The following ANKRD11 variants were observed in gnomAD, a reference collection of about 807,000 sequenced individuals.
The protein encoded by ANKRD11 is ankyrin repeat domain 11, also known as ankyrin repeat domain-containing protein 11.
Under a neutral mutation model 195.7 loss-of-function variants are expected in ANKRD11, and 17 were observed. That is an observed-to-expected ratio of 0.09 (90% confidence interval 0.06 to 0.13). ANKRD11 has a LOEUF of 0.13. ANKRD11 is among the 10% of genes least tolerant of loss of function. The probability of loss-of-function intolerance (pLI) is 1.00; values close to 1 mark genes in which losing one functional copy is unlikely to be tolerated. For missense variants in ANKRD11, 3,735 were observed against 3,566.1 expected (o/e 1.05, Z -1.21); for synonymous variants, 1,953 against 1,528.1 (o/e 1.28, Z -6.49).
chr16:89,411,428 T>C (rs1301066801), intron 2 of ANKRD11, among the ~76,000 whole-genome samples: 1 of 152,230 alleles, frequency 6.6e-6, no homozygotes, highest in African/African-American at 2.4e-5. Context: ...CTTCCTTTTT[T>C]CTTTTTCTTG....
chr16:89,282,738 C>A lies in ANKRD11; in HGVS notation c.3804G>T (p.Arg1268Ser). The A allele has an allele frequency of 6.2e-7, 1 of 1,613,596 alleles. No homozygotes were observed. ...CCGCGTCGGCACTTCTCGAGGACTT[C>A]CTCTCCTTGGAATGTTCTTTGTCCG... ...EKSDKEHSKE[R>S]KSSRSADAEK... The change falls in exon 9 of 13, where the codon AGG (arginine) becomes AGT (serine). Residue 1268 changes from arginine (R) to serine (S), a missense_variant. Coordinates refer to ENST00000301030, the MANE Select transcript of ANKRD11 (RefSeq NM_013275.6).
At chr16:89,481,225 G>A (rs879418956) in intron 1 of ANKRD11, among the ~76,000 whole-genome samples, 2 of 152,122 alleles carry the variant, frequency 1.3e-5, no homozygotes, top group Non-Finnish European at 2.9e-5. Flanking sequence ...TACACAGTGT[G>A]CTTTCGAGTC....
chr16:89,332,702 C>T (rs1267953510), intron 2 of ANKRD11, among the ~76,000 whole-genome samples: 3 of 152,316 alleles, frequency 2.0e-5, no homozygotes, highest in East Asian at 3.9e-4. Flanking sequence ...GGCTCTCCTC[C>T]GGCAGGGCCT....
At chr16:89,348,377 G>A (rs1473792408) in intron 2 of ANKRD11, among the ~76,000 whole-genome samples, 3 of 152,062 alleles carry the variant, frequency 2.0e-5, no homozygotes, top group East Asian at 3.8e-4. Context: ...ATGAGGTATC[G>A]CTATCCTTTC....
chr16:89,482,350 T>C (rs2057471577), intron 1 of ANKRD11, among the ~76,000 whole-genome samples: 1 of 152,142 alleles, frequency 6.6e-6, no homozygotes, highest in Non-Finnish European at 1.5e-5. Context: ...AAAAGATGAC[T>C]GCCCTCATCA....
intron 9 of ANKRD11, among the ~76,000 whole-genome samples, chr16:89,276,202 C>A (rs2033637532): frequency 6.6e-6 from 1 of 152,154 alleles, no homozygotes; most frequent in Non-Finnish European, 1.5e-5. Flanking sequence ...TGGCATGAGA[C>A]CAACGCTGGC....
In ANKRD11 at chr16:89,291,544, G is replaced by T; in HGVS notation, c.227-361C>A. 2 of 703,066 alleles carry T rather than the reference G, an allele frequency of 2.8e-6. No individual in the cohort carries two copies. Among genetic ancestry groups the T allele is most frequent in the Non-Finnish European group, 4.5e-6 (2 of 443,222 alleles). 43.6% of individuals were successfully genotyped at this position (703,066 alleles called of 1,614,324 possible). On this transcript the variant is annotated intron_variant, in intron 4 of 12. Transcript: ENST00000301030. This position sits in a 1 kb window ranked among gnomAD's most constrained non-coding sequence, Gnocchi z 5.3. ...AGCACCGGTGACCTGGCTCACACAG[G>T]ACAGGTCTCTGTTCAATACACGTGT...
chr16:89,375,399 C>T (rs1300199511), intron 2 of ANKRD11, among the ~76,000 whole-genome samples: 1 of 152,042 alleles, frequency 6.6e-6, no homozygotes, highest in African/African-American at 2.4e-5. Context: ...GACTGCAGGG[C>T]ACTATGGTCA....
chr16:89,388,315 T>TTTTTTTTTTTTTA (rs2041018887), intron 2 of ANKRD11, among the ~76,000 whole-genome samples: 1 of 145,398 alleles, frequency 6.9e-6, no homozygotes, highest in Non-Finnish European at 1.5e-5. Context: ...TTTTTTTTTT[T>TTTTTTTTTTTTTA]GAGACGGAGT....
chr16:89,353,005 G>A (rs1335617411), intron 2 of ANKRD11, among the ~76,000 whole-genome samples: 2 of 152,168 alleles, frequency 1.3e-5, no homozygotes, highest in African/African-American at 4.8e-5. Flanking sequence ...AACTTTACAG[G>A]ATCCATTTAC....
At chr16:89,455,164 C>G (rs2056375049) in intron 1 of ANKRD11, among the ~76,000 whole-genome samples, 1 of 138,908 alleles carries the variant, frequency 7.2e-6, no homozygotes, top group African/African-American at 2.7e-5. Context: ...GTTCCTCAAG[C>G]TGCTCCCCTG....
At chr16:89,427,611 A>G (rs779822268) in intron 1 of ANKRD11, among the ~76,000 whole-genome samples, 1 of 152,204 alleles carries the variant, frequency 6.6e-6, no homozygotes, top group Non-Finnish European at 1.5e-5. Flanking sequence ...AGCCTGGCCA[A>G]CATGGCGAAA....
intron 1 of ANKRD11, among the ~76,000 whole-genome samples, chr16:89,458,391 A>G (rs921191170): frequency 2.0e-5 from 3 of 151,634 alleles, no homozygotes; most frequent in African/African-American, 7.3e-5. Flanking sequence ...CGCCCGGCTA[A>G]TTTTTTGTAT....
At chr16:89,298,128 GAGCCCCATGGTGGTTTCACC>G (rs2035571232) in intron 4 of ANKRD11, 1 of 152,250 alleles carries the variant, frequency 6.6e-6, no homozygotes, top group African/African-American at 2.4e-5. Context: ...AGCAGGGCCT[GAGCCCCATGGTGGTTTCACC>G]AGCATCCAGC....
At chr16:89,366,973 GT>G (rs2039974899) in intron 2 of ANKRD11, among the ~76,000 whole-genome samples, 1 of 152,196 alleles carries the variant, frequency 6.6e-6, no homozygotes, top group African/African-American at 2.4e-5. Context: ...GCTGGATTAG[GT>G]CCGCTGATTG....
intron 2 of ANKRD11, among the ~76,000 whole-genome samples, chr16:89,343,498 T>A (rs1199928748): frequency 6.6e-6 from 1 of 152,092 alleles, no homozygotes; most frequent in Admixed American, 6.5e-5. Context: ...TATGTGTGAG[T>A]GAGTGAGCGA....
chr16:89,334,564 C>T (rs2038250060), intron 2 of ANKRD11, among the ~76,000 whole-genome samples: 2 of 152,074 alleles, frequency 1.3e-5, no homozygotes, highest in South Asian at 4.1e-4. Context: ...ATGCGGCATG[C>T]TATGGGGCCA....
rs1287759630 is a variant in ANKRD11 at position 89,281,874 on chromosome 16, C to T, written c.4668G>A (p.Ala1556=). Residue 1556 remains alanine, a synonymous_variant, in exon 9 of 13, where the codon GCG becomes GCA. Coordinates refer to ENST00000301030, the MANE Select transcript of ANKRD11 (RefSeq NM_013275.6). This position sits in a 1 kb window ranked among gnomAD's most constrained non-coding sequence, Gnocchi z 5.5. ...VKMSNGNDKV[A]PSKDPGKKDA... The stretch of plus-strand genomic sequence containing the variant: ...CTTTCTTGCCTGGGTCTTTGGATGG[C>T]GCTACCTTATCATTCCCGTTGCTCA... 15 of 1,613,920 alleles carry T rather than the reference C, an allele frequency of 9.3e-6. No individual in the cohort carries two copies. The highest frequency in any genetic ancestry group is 1.7e-5 in the Admixed American group (1 of 60,022).
chr16:89,483,903 T>C (rs2057523926), intron 1 of ANKRD11, among the ~76,000 whole-genome samples: 2 of 152,256 alleles, frequency 1.3e-5, no homozygotes, highest in East Asian at 3.8e-4. Context: ...AGATAGACTA[T>C]TCTCAAAGTA....
Sources: gnomAD v4.1 joint callset for allele counts (sites outside exome capture counted in the v4.1 genomes callset) on GRCh38, gnomAD v4.1.1 for gene constraint, Gnocchi (gnomAD v3.1) non-coding constraint, MANE v1.5 for transcripts, NCBI Gene and HGNC (gene_info 2026-07-23, HGNC 2026-07-21) for gene names.